Variants in SLC35F4 observed in about 807,000 individuals in gnomAD.
SLC35F4 encodes the protein chromosome 14 open reading frame 36.
A neutral mutation model predicts 44.2 loss-of-function variants in SLC35F4; 24 were observed. The ratio of observed to expected loss-of-function variants is 0.54; its 90% confidence interval spans 0.39 to 0.76. SLC35F4 has a LOEUF of 0.76. SLC35F4 is among the 30% of genes least tolerant of loss of function. SLC35F4 has a pLI of 0.00. For synonymous variants in SLC35F4, 238 were observed against 223.6 expected, an observed-to-expected ratio of 1.06 and a Z score of -0.57; for missense variants, 562 against 586.1, an observed-to-expected ratio of 0.96 and a Z score of 0.42.
chr14:57,969,041 T>C (rs967529736), intron 1 of SLC35F4, among the ~76,000 whole-genome samples: 3 of 152,098 alleles, frequency 2.0e-5, no homozygotes, highest in Non-Finnish European at 2.9e-5. Context: ...GTTAAAGAGG[T>C]CTTCATGGAT....
intron 1 of SLC35F4, among the ~76,000 whole-genome samples, chr14:57,728,441 C>CTTTTTTTTTTT (rs869064667): frequency 6.8e-5 from 4 of 59,010 alleles, no homozygotes; most frequent in East Asian, 6.0e-4. Flanking sequence ...TTCTTTCTTT[C>CTTTTTTTTTTT]TTTTTTTTTT....
chr14:57,824,303 A>T (rs1467087463), intron 1 of SLC35F4, among the ~76,000 whole-genome samples: 2 of 152,228 alleles, frequency 1.3e-5, no homozygotes, highest in African/African-American at 2.4e-5. Context: ...GAGCATCTAC[A>T]GTGTCAGCAA....
intron 4 of SLC35F4, chr14:57,580,462 C>T: frequency 3.3e-6 from 1 of 301,882 alleles, no homozygotes; most frequent in South Asian, 2.9e-5. Context: ...AGTGTTGTCT[C>T]AATATGTTCA....
Position 57,564,156 on chromosome 14 carries a change from T to C in SLC35F4, c.1437A>G (p.Thr479=). The stretch of plus-strand genomic sequence containing the variant: ...CTCTCTAAGCCAGTGGTATAGACAC[T>C]GTCCCATTGGCTCTGCCTCTGCCCC... ...HLRGRGRANG[T]VSIPLA is the part of the protein sequence containing the mutation. The change falls in exon 8 of 8, where the codon ACA becomes ACG. Residue 479 remains threonine, a synonymous_variant. Coordinates refer to ENST00000556826, the MANE Select transcript of SLC35F4 (RefSeq NM_001306087.2). 1 of 1,613,672 alleles carries C rather than the reference T, an allele frequency of 6.2e-7. No homozygotes were observed. Among genetic ancestry groups the C allele is most frequent in the East Asian group, 2.2e-5 (1 of 44,842 alleles).
At chr14:57,890,551 C>CCCATGCTA (rs11283033) in intron 1 of SLC35F4, among the ~76,000 whole-genome samples, 1 of 151,746 alleles carries the variant, frequency 6.6e-6, no homozygotes. Flanking sequence ...GAGCCCCTCT[C>CCCATGCTA]CACTGCATGG....
chr14:57,765,109 T>G (rs925239288), intron 1 of SLC35F4, among the ~76,000 whole-genome samples: 2 of 137,268 alleles, frequency 1.5e-5, no homozygotes, highest in South Asian at 4.2e-4. Context: ...GGTGGAACTA[T>G]GATTATAAAT....
At chr14:57,594,175 A>T in intron 1 of SLC35F4, 51 bp from the exon 2 acceptor site, 1 of 1,495,426 alleles carries the variant, frequency 6.7e-7, no homozygotes, top group Non-Finnish European at 9.1e-7. Flanking sequence ...ACAAATTGGA[A>T]GTAGATTTTA....
chr14:57,966,224 C>T (rs557052164), intron 1 of SLC35F4, among the ~76,000 whole-genome samples: 18 of 152,330 alleles, frequency 1.2e-4, no homozygotes, highest in Middle Eastern at 3.4e-3. Context: ...AATCAATGTT[C>T]TATCCCTACT....
chr14:57,921,957 A>C (rs1889452729), intron 1 of SLC35F4, among the ~76,000 whole-genome samples: 1 of 152,156 alleles, frequency 6.6e-6, no homozygotes. Context: ...ATTTCTTATG[A>C]TTACCCCAGT....
At position 57,670,835 on chromosome 14, in the gene SLC35F4, T is replaced by C. The variant is rs568379695; in HGVS notation, c.104-76711A>G. Among the ~76,000 whole-genome samples, 3 of 151,370 alleles carry C rather than the reference T, an allele frequency of 2.0e-5. No individual in the cohort carries two copies. The East Asian group carries it at 5.8e-4, about 30-fold the overall frequency. On this transcript the variant is annotated intron_variant, in intron 1 of 7. Transcript: ENST00000556826. ...TTAATTCATACTGAATGTTTTCTAA[T>C]CCCAGAAAGACTAGGATGCCACAGA...
intron 1 of SLC35F4, among the ~76,000 whole-genome samples, chr14:57,860,933 G>A (rs190634741): frequency 3.9e-5 from 6 of 152,088 alleles, no homozygotes; most frequent in East Asian, 1.9e-4. Flanking sequence ...ATACAACTCC[G>A]TTGTCCCTAT....
chr14:57,611,462 G>A (rs754440667), intron 1 of SLC35F4, among the ~76,000 whole-genome samples: 5 of 151,984 alleles, frequency 3.3e-5, no homozygotes, highest in Admixed American at 1.3e-4. Flanking sequence ...TGAACACCCC[G>A]GGGAACAGTC....
At position 57,564,164 on chromosome 14, in the gene SLC35F4, T is replaced by G; in HGVS notation, c.1429A>C (p.Asn477His). Reference protein sequence around the residue: ...SIHLRGRGRANGTVSIPLA With the variant: ...SIHLRGRGRAHGTVSIPLA ...GCCAGTGGTATAGACACTGTCCCAT[T>G]GGCTCTGCCTCTGCCCCGCAGGTGT... is the stretch of plus-strand genomic sequence containing the variant. Residue 477 changes from asparagine to histidine, a missense_variant, in exon 8 of 8, where the codon AAT becomes CAT. Coordinates refer to ENST00000556826, the MANE Select transcript of SLC35F4 (RefSeq NM_001306087.2). 1 of 1,613,786 alleles carries G rather than the reference T, an allele frequency of 6.2e-7. No individual in the cohort carries two copies. Among genetic ancestry groups the G allele is most frequent in the South Asian group, 1.1e-5 (1 of 91,054 alleles).
chr14:57,786,089 G>C (rs1371202549), intron 1 of SLC35F4, among the ~76,000 whole-genome samples: 1 of 152,098 alleles, frequency 6.6e-6, no homozygotes, highest in African/African-American at 2.4e-5. Flanking sequence ...GGCACAGTGG[G>C]AGTGAGACTG....
At chr14:57,828,918 C>A (rs972609579) in intron 1 of SLC35F4, among the ~76,000 whole-genome samples, 1 of 152,220 alleles carries the variant, frequency 6.6e-6, no homozygotes, top group African/African-American at 2.4e-5. Context: ...CCACGGGACA[C>A]TTTTTAGCCA....
At chr14:57,831,633 A>G (rs1188959984) in intron 1 of SLC35F4, among the ~76,000 whole-genome samples, 1 of 152,208 alleles carries the variant, frequency 6.6e-6, no homozygotes, top group Non-Finnish European at 1.5e-5. Flanking sequence ...GGAATTCTCA[A>G]GCAGCAAGAG....
intron 1 of SLC35F4, among the ~76,000 whole-genome samples, chr14:57,763,103 G>T (rs2077161266): frequency 6.6e-6 from 1 of 152,076 alleles, no homozygotes; most frequent in African/African-American, 2.4e-5. Flanking sequence ...AGTTTCCCCA[G>T]TTCTCTTTGA....
chr14:57,577,815 A>C (rs1479502068), intron 4 of SLC35F4, among the ~76,000 whole-genome samples: 1 of 152,222 alleles, frequency 6.6e-6, no homozygotes, highest in Non-Finnish European at 1.5e-5. Flanking sequence ...TTTGCAATCA[A>C]AAAATTATCT....
At chr14:57,796,504 A>G (rs889968450) in intron 1 of SLC35F4, among the ~76,000 whole-genome samples, 2 of 152,216 alleles carry the variant, frequency 1.3e-5, no homozygotes, top group Non-Finnish European at 2.9e-5. Context: ...CAGGAAGATA[A>G]CATATTTCTG....
Sources: allele counts gnomAD v4.1 joint callset (sites outside exome capture counted in the v4.1 genomes callset), GRCh38; gene constraint gnomAD v4.1.1; transcripts MANE v1.5; gene names NCBI Gene and HGNC (gene_info 2026-07-23, HGNC 2026-07-21).